The following UNC79 variants were observed in gnomAD, a reference collection of about 807,000 sequenced individuals.
UNC79 encodes the protein unc-79 subunit of NALCN channel complex.
In UNC79, 37 loss-of-function variants were observed where a neutral mutation model predicts 283.1. The observed-to-expected ratio is 0.13, with a 90% CI of 0.10 to 0.17. UNC79 has a LOEUF of 0.17. UNC79 is among the 10% of genes least tolerant of loss of function. The probability of loss-of-function intolerance (pLI) is 1.00; values close to 1 mark genes in which losing one functional copy is unlikely to be tolerated. For synonymous variants in UNC79, 1,107 were observed against 1,200.2 expected, an observed-to-expected ratio of 0.92 and a Z score of 1.61; for missense variants, 2,272 against 3,211.1, an observed-to-expected ratio of 0.71 and a Z score of 7.07.
chr14:93,643,687 T>A, exon 34 of UNC79: 1 of 1,612,650 alleles, frequency 6.2e-7, no homozygotes, highest in South Asian at 1.1e-5. Flanking sequence ...TATCATGCAG[T>A]CTGTGGGAAG....
chr14:93,452,375 ATT>A (rs35284465), intron 1 of UNC79, among the ~76,000 whole-genome samples: 28,699 of 108,892 alleles, frequency 0.26, 3,296 homozygotes, highest in Non-Finnish European at 0.34. Context: ...GGACTGCATG[ATT>A]TTTTTTTTTT....
At chr14:93,351,686 A>G (rs1215455982) in intron 1 of UNC79, among the ~76,000 whole-genome samples, 1 of 152,130 alleles carries the variant, frequency 6.6e-6, no homozygotes, top group Non-Finnish European at 1.5e-5. Flanking sequence ...ATACACATTT[A>G]TATATGGAGA....
chr14:93,473,725 G>A (rs1377187444), intron 2 of UNC79, among the ~76,000 whole-genome samples: 1 of 152,190 alleles, frequency 6.6e-6, no homozygotes, highest in Non-Finnish European at 1.5e-5. Context: ...TTAGGAATAA[G>A]AGCCCTTACT....
intron 11 of UNC79, among the ~76,000 whole-genome samples, chr14:93,534,201 A>G (rs1284230834): frequency 6.6e-6 from 1 of 152,150 alleles, no homozygotes; most frequent in African/African-American, 2.4e-5. Context: ...CTTGATTATG[A>G]TCTGGTTTTG....
chr14:93,466,459 G>A (rs1242765), intron 1 of UNC79, among the ~76,000 whole-genome samples: 29,600 of 152,122 alleles, frequency 0.19, 3,292 homozygotes, highest in East Asian at 0.31. Flanking sequence ...TACTAGTCTG[G>A]CTCTGCCATT....
At chr14:93,608,837 G>C (rs1458028528) in intron 26 of UNC79, among the ~76,000 whole-genome samples, 2 of 152,136 alleles carry the variant, frequency 1.3e-5, no homozygotes, top group Non-Finnish European at 2.9e-5. Flanking sequence ...ATTTATTTGA[G>C]TTTAGTGCAC....
At chr14:93,488,335 A>C (rs760077858) in intron 5 of UNC79, among the ~76,000 whole-genome samples, 1 of 152,200 alleles carries the variant, frequency 6.6e-6, no homozygotes, top group Non-Finnish European at 1.5e-5. Context: ...TTCCATTACT[A>C]GTGATGTTGG....
At chr14:93,684,475 AG>A (rs1372923684) in intron 42 of UNC79, among the ~76,000 whole-genome samples, 1 of 152,226 alleles carries the variant, frequency 6.6e-6, no homozygotes, top group Non-Finnish European at 1.5e-5. Context: ...TGCATCCATA[AG>A]GTAAGACTAT....
chr14:93,533,664 A>G (rs1344045469), intron 11 of UNC79, among the ~76,000 whole-genome samples: 2 of 152,170 alleles, frequency 1.3e-5, no homozygotes, highest in Non-Finnish European at 2.9e-5. Flanking sequence ...TCACTCACTC[A>G]AGGCCTCTCA....
intron 35 of UNC79, among the ~76,000 whole-genome samples, chr14:93,649,158 A>G (rs1049534717): frequency 1.3e-5 from 2 of 152,210 alleles, no homozygotes; most frequent in Admixed American, 1.3e-4. Flanking sequence ...GACTCAAATG[A>G]TAGAGTGTAT....
chr14:93,337,830 T>C (rs1240330271), intron 1 of UNC79, among the ~76,000 whole-genome samples: 1 of 152,156 alleles, frequency 6.6e-6, no homozygotes, highest in East Asian at 1.9e-4. Context: ...TGGTTCCTGG[T>C]GTTTCCAAGC....
At chr14:93,362,932 T>G (rs558224323) in intron 1 of UNC79, among the ~76,000 whole-genome samples, 1 of 152,176 alleles carries the variant, frequency 6.6e-6, no homozygotes, top group Non-Finnish European at 1.5e-5. Flanking sequence ...AAGAATAAAC[T>G]TTTGGTTTTT....
chr14:93,701,320 T>C (rs1020495953), intron 47 of UNC79, among the ~76,000 whole-genome samples: 7 of 152,232 alleles, frequency 4.6e-5, no homozygotes, highest in African/African-American at 1.7e-4. Flanking sequence ...AAATCTGGTC[T>C]TTGTTACTCC....
At chr14:93,681,741 T>C (rs1269242846) in intron 41 of UNC79, among the ~76,000 whole-genome samples, 1 of 152,260 alleles carries the variant, frequency 6.6e-6, no homozygotes, top group Admixed American at 6.5e-5. Flanking sequence ...TAATTGCTCA[T>C]AGCCAACTCT....
exon 2 of UNC79, chr14:93,467,783 C>A: frequency 6.7e-7 from 1 of 1,503,696 alleles, no homozygotes; most frequent in South Asian, 1.3e-5. Context: ...TTTCTCAGAC[C>A]TTGTTAAGGT....
intron 35 of UNC79, among the ~76,000 whole-genome samples, chr14:93,649,993 G>A (rs935828725): frequency 6.6e-6 from 1 of 152,128 alleles, no homozygotes; most frequent in African/African-American, 2.4e-5. Context: ...TACCCCCATA[G>A]AGGCAAACAC....
intron 26 of UNC79, among the ~76,000 whole-genome samples, chr14:93,612,449 C>T (rs1477942263): frequency 1.3e-5 from 2 of 152,182 alleles, no homozygotes; most frequent in African/African-American, 4.8e-5. Flanking sequence ...TCCTTTATCA[C>T]TGAGGATAAA....
chr14:93,402,276 C>CAAAAAAAA (rs1232880016), intron 1 of UNC79, among the ~76,000 whole-genome samples: 1 of 64,966 alleles, frequency 1.5e-5, no homozygotes, highest in African/African-American at 6.1e-5. Context: ...GACTCTGTCT[C>CAAAAAAAA]AAAAAAAAAA....
chr14:93,538,942 G>A (rs2061231901), intron 12 of UNC79, among the ~76,000 whole-genome samples: 1 of 151,272 alleles, frequency 6.6e-6, no homozygotes, highest in African/African-American at 2.4e-5. Context: ...TTGCTCTGTC[G>A]CCCAGGCTGG....
Sources: gnomAD v4.1 joint callset for allele counts (sites outside exome capture counted in the v4.1 genomes callset) on GRCh38, gnomAD v4.1.1 for gene constraint, MANE v1.5 for transcripts, NCBI Gene and HGNC (gene_info 2026-07-23, HGNC 2026-07-21) for gene names.